Variants in TEAD1 observed in about 807,000 individuals in gnomAD.
The protein encoded by TEAD1 is transcriptional enhancer factor TEF-1.
In TEAD1, 9 loss-of-function variants were observed where a neutral mutation model predicts 54.9. The observed-to-expected ratio is 0.16, with a 90% CI of 0.10 to 0.29. The LOEUF is 0.29. Ranked by LOEUF, TEAD1 falls within the 10% of genes least tolerant of loss-of-function variation. The pLI is 1.00. For missense variants in TEAD1, 387 were observed against 535.9 expected, an observed-to-expected ratio of 0.72 and a Z score of 2.74; for synonymous variants, 200 against 187.8, an observed-to-expected ratio of 1.07 and a Z score of -0.53.
At chr11:12,763,067 C>G (rs1159098885) in intron 2 of TEAD1, among the ~76,000 whole-genome samples, 1 of 152,158 alleles carries the variant, frequency 6.6e-6, no homozygotes, top group Admixed American at 6.5e-5. Flanking sequence ...GATCCTATAC[C>G]TTTTCAACAA....
intron 2 of TEAD1, among the ~76,000 whole-genome samples, chr11:12,721,779 A>T (rs1944205310): frequency 6.6e-6 from 1 of 152,148 alleles, no homozygotes; most frequent in Admixed American, 6.5e-5. Context: ...TTAAATACTC[A>T]TTTGAGCAAG....
rs11022488 is a variant in TEAD1 at position 12,748,177 on chromosome 11, G to A, written c.-54-16002G>A. ...AGGTTTCACCATATTGGCCAGGCTG[G>A]TCTCAAACTCCTGACCTCAGGTGAT... On this transcript the variant is annotated intron_variant, in intron 2 of 12. Transcript: ENST00000527636. Among the ~76,000 whole-genome samples the A allele has an allele frequency of 1.6e-3, 249 of 152,196 alleles. 5 individuals carry two copies. In the East Asian group the frequency reaches 0.039, roughly 24 times the overall value.
chr11:12,788,422 GTGC>G (rs1564940147), intron 3 of TEAD1, among the ~76,000 whole-genome samples: 1 of 152,072 alleles, frequency 6.6e-6, no homozygotes, highest in African/African-American at 2.4e-5. Context: ...ATGAGCCACC[GTGC>G]CTGGCCAAAT....
chr11:12,882,074 C>T (rs1564975532), intron 8 of TEAD1, 117 bp downstream of exon 8: 1 of 1,125,502 alleles, frequency 8.9e-7, no homozygotes, highest in East Asian at 2.4e-5. Flanking sequence ...GCACATTGCC[C>T]CTGACTTGCA....
rs147621651 is a variant in TEAD1, at chr11:12,742,702, CT to C, written c.-54-21476del. On this transcript the variant is annotated intron_variant, in intron 2 of 12. Coordinates refer to ENST00000527636, the MANE Select transcript of TEAD1 (RefSeq NM_021961.6). ...CATTGTACCCCATGAACATATACAA[CT>C]ATTATTTATCATTCAAAAATAAAAC... 1.1e-3 allele frequency among the ~76,000 whole-genome samples: 175 copies of C among 152,218 alleles called. 3 individuals are homozygous for C. The East Asian group carries it at 0.028, about 25-fold the overall frequency.
chr11:12,837,863 C>T (rs1385023422), intron 3 of TEAD1, among the ~76,000 whole-genome samples: 6 of 148,690 alleles, frequency 4.0e-5, no homozygotes, highest in Non-Finnish European at 8.9e-5. Context: ...AGTGCAATGG[C>T]GCGATCTCAT....
At chr11:12,880,586 T>C (rs765405660) in intron 6 of TEAD1, among the ~76,000 whole-genome samples, 2 of 152,202 alleles carry the variant, frequency 1.3e-5, no homozygotes, top group Non-Finnish European at 2.9e-5. Flanking sequence ...CTCCTGGCCT[T>C]GTTCAAGCTT....
At chr11:12,693,179 T>C (rs1007701124) in intron 2 of TEAD1, among the ~76,000 whole-genome samples, 8 of 152,224 alleles carry the variant, frequency 5.3e-5, no homozygotes, top group Non-Finnish European at 7.3e-5. Context: ...TTAGTACTTT[T>C]AAAGAACTTC....
chr11:12,822,907 G>T (rs1946581424), intron 3 of TEAD1, among the ~76,000 whole-genome samples: 1 of 152,162 alleles, frequency 6.6e-6, no homozygotes, highest in Non-Finnish European at 1.5e-5. Flanking sequence ...ATTACATGTT[G>T]TACAGACCAT....
At position 12,939,191 on chromosome 11, in the gene TEAD1, C is replaced by T. The variant is rs1478663379; in HGVS notation, c.*1969C>T. On this transcript the variant is annotated 3_prime_UTR_variant, in exon 13 of 13. Coordinates refer to ENST00000527636, the MANE Select transcript of TEAD1 (RefSeq NM_021961.6). Reference sequence around the variant, plus strand: ...AGTTGGACAGTGCTCCTCTGCCCTTCATAAACAGACTACTGTTGGGTCCCT... The same window carrying T: ...AGTTGGACAGTGCTCCTCTGCCCTTTATAAACAGACTACTGTTGGGTCCCT... The T allele has an allele frequency of 6.6e-6, 1 of 152,310 alleles. No individual in the cohort carries two copies. The highest frequency in any genetic ancestry group is 1.5e-5 in the Non-Finnish European group (1 of 68,094). The allele number at this position is 152,310 out of a possible 1,614,324, so 9.4% of individuals were successfully genotyped here.
chr11:12,738,117 A>C (rs1590100926), intron 2 of TEAD1, among the ~76,000 whole-genome samples: 1 of 152,318 alleles, frequency 6.6e-6, no homozygotes, highest in Non-Finnish European at 1.5e-5. Context: ...ACATGTGGGA[A>C]TTATGGGAGC....
intron 11 of TEAD1, among the ~76,000 whole-genome samples, chr11:12,927,404 T>A (rs1017227122): frequency 1.3e-5 from 2 of 152,220 alleles, no homozygotes; most frequent in African/African-American, 2.4e-5. Context: ...CCACCCACTA[T>A]TTGTGTCTAC....
intron 3 of TEAD1, among the ~76,000 whole-genome samples, chr11:12,791,579 G>A (rs1015334541): frequency 6.6e-6 from 1 of 152,116 alleles, no homozygotes; most frequent in Non-Finnish European, 1.5e-5. Flanking sequence ...AACTAGTGAT[G>A]GGTTGCAGGT....
intron 2 of TEAD1, among the ~76,000 whole-genome samples, chr11:12,696,905 T>C (rs774694485): frequency 2.0e-5 from 3 of 152,108 alleles, no homozygotes; most frequent in Non-Finnish European, 4.4e-5. Context: ...CTGGACTGTC[T>C]AGCTAACTGG....
At chr11:12,780,613 T>C (rs538245142) in intron 3 of TEAD1, among the ~76,000 whole-genome samples, 29 of 152,202 alleles carry the variant, frequency 1.9e-4, no homozygotes, top group African/African-American at 6.0e-4. Context: ...TTCATCATAG[T>C]GTGAAAAAGA....
intron 2 of TEAD1, among the ~76,000 whole-genome samples, chr11:12,757,320 T>G (rs924133738): frequency 1.3e-5 from 2 of 152,158 alleles, no homozygotes; most frequent in African/African-American, 4.8e-5. Flanking sequence ...CATATCTCTT[T>G]CCCTGTAGCT....
At chr11:12,863,338 G>A (rs184991851) in intron 4 of TEAD1, among the ~76,000 whole-genome samples, 3 of 152,280 alleles carry the variant, frequency 2.0e-5, no homozygotes, top group South Asian at 2.1e-4. Context: ...CAGAGGCAGC[G>A]CATTGTCTGT....
intron 3 of TEAD1, among the ~76,000 whole-genome samples, chr11:12,860,688 G>A (rs2043049680): frequency 6.6e-6 from 1 of 152,170 alleles, no homozygotes; most frequent in Admixed American, 6.5e-5. Context: ...GGGACATTGA[G>A]GAAGAAGACA....
intron 3 of TEAD1, among the ~76,000 whole-genome samples, chr11:12,826,547 T>C (rs1488885287): frequency 6.6e-6 from 1 of 152,170 alleles, no homozygotes; most frequent in Non-Finnish European, 1.5e-5. Flanking sequence ...AATCACGGTG[T>C]GATAAATTAG....
Sources: gnomAD v4.1 joint callset for allele counts (sites outside exome capture counted in the v4.1 genomes callset) on GRCh38, gnomAD v4.1.1 for gene constraint, MANE v1.5 for transcripts, NCBI Gene and HGNC (gene_info 2026-07-23, HGNC 2026-07-21) for gene names.